GPC5: variants seen among roughly 807,000 people sequenced by gnomAD.
The protein encoded by GPC5 is glypican-5.
GPC5 carries 47 observed loss-of-function variants against 53.9 expected under a neutral mutation model. The observed-to-expected ratio is 0.87, with a 90% CI of 0.69 to 1.11. GPC5 has a LOEUF of 1.11. Ranked by LOEUF, GPC5 falls within the 50% of genes most tolerant of loss-of-function variation. The probability of loss-of-function intolerance (pLI) is 0.00; values close to 1 mark genes in which losing one functional copy is unlikely to be tolerated. For synonymous variants in GPC5, 286 were observed against 263.3 expected, an observed-to-expected ratio of 1.09 and a Z score of -0.84; for missense variants, 748 against 713.1, an observed-to-expected ratio of 1.05 and a Z score of -0.56.
chr13:92,852,961 C>T (rs1250990420), intron 7 of GPC5, among the ~76,000 whole-genome samples: 2 of 152,164 alleles, frequency 1.3e-5, no homozygotes, highest in East Asian at 1.9e-4. Flanking sequence ...TAACAAGCAC[C>T]TAAGTCAGAT....
rs566543599 is a variant in GPC5 at position 92,142,146 on chromosome 13, T to C, written c.1402-2684T>C. ...AACGAACATGGTACATGTATAGCTA[T>C]GTATCAAACCTGCACGTTGTGCACA... is the stretch of plus-strand genomic sequence containing the variant. On this transcript the variant is annotated intron_variant, in intron 6 of 7. Coordinates refer to ENST00000377067, the MANE Select transcript of GPC5 (RefSeq NM_004466.6). Among the ~76,000 whole-genome samples the C allele has an allele frequency of 2.0e-5, 3 of 152,304 alleles. No homozygotes were observed. In the South Asian group the frequency reaches 6.2e-4, roughly 32 times the overall value.
intron 2 of GPC5, among the ~76,000 whole-genome samples, chr13:91,473,982 CATT>C (rs1219876512): frequency 6.6e-6 from 1 of 152,038 alleles, no homozygotes; most frequent in African/African-American, 2.4e-5. Context: ...ATTCTAGAAA[CATT>C]GTTGCTTATA....
intron 6 of GPC5, among the ~76,000 whole-genome samples, chr13:92,098,971 T>G (rs79387454): frequency 6.6e-6 from 1 of 151,816 alleles, no homozygotes; most frequent in African/African-American, 2.4e-5. Context: ...TTTTTTTTTT[T>G]GTCATCTAAT....
At chr13:91,477,864 T>G (rs1016645621) in intron 2 of GPC5, among the ~76,000 whole-genome samples, 2 of 152,210 alleles carry the variant, frequency 1.3e-5, no homozygotes, top group East Asian at 1.9e-4. Flanking sequence ...ATAAGTCAGA[T>G]AGCAGTGAGC....
At chr13:92,678,063 AT>A (rs1214016888) in intron 7 of GPC5, among the ~76,000 whole-genome samples, 3 of 152,190 alleles carry the variant, frequency 2.0e-5, no homozygotes, top group Non-Finnish European at 4.4e-5. Context: ...TGTTTAGAGG[AT>A]AAGAGTTTTC....
At chr13:91,644,039 T>A (rs1407294949) in intron 2 of GPC5, among the ~76,000 whole-genome samples, 1 of 150,280 alleles carries the variant, frequency 6.7e-6, no homozygotes, top group Admixed American at 6.6e-5. Flanking sequence ...TTTTTGGGGA[T>A]ACACTTCAAC....
At chr13:91,674,226 G>A (rs2035315591) in intron 2 of GPC5, among the ~76,000 whole-genome samples, 1 of 152,094 alleles carries the variant, frequency 6.6e-6, no homozygotes, top group African/African-American at 2.4e-5. Flanking sequence ...ATTTCTGGGT[G>A]TGTCTTTGAA....
intron 6 of GPC5, among the ~76,000 whole-genome samples, chr13:92,043,948 G>A (rs1448828583): frequency 3.3e-5 from 5 of 152,120 alleles, no homozygotes; most frequent in Non-Finnish European, 7.4e-5. Context: ...ATAACTTCAT[G>A]TTCTCTTTTT....
At position 91,728,667 on chromosome 13, in the gene GPC5, T is replaced by G. The variant is rs1311487743; in HGVS notation, c.1154+2T>G. ...AGAGACGCTTGCCAACAGAAGAAAG[T>G]AAGACATTTGTTTTACAACCAGAAA... On this transcript the variant is annotated splice_donor_variant, in intron 4 of 7. Transcript: ENST00000377067. LOFTEE classifies it high-confidence loss of function. 6.2e-7 allele frequency: 1 copy of G among 1,606,578 alleles called. No homozygotes were observed. The highest frequency in any genetic ancestry group is 2.2e-5 in the East Asian group (1 of 44,690).
intron 7 of GPC5, among the ~76,000 whole-genome samples, chr13:92,348,124 T>C (rs72638659): frequency 0.28 from 41,190 of 146,104 alleles, 6,013 homozygotes; most frequent in South Asian, 0.39. Flanking sequence ...TAAGTCCTTG[T>C]CTATCAATAA....
intron 1 of GPC5, among the ~76,000 whole-genome samples, chr13:91,399,982 C>T (rs1876810567): frequency 6.6e-6 from 1 of 152,140 alleles, no homozygotes; most frequent in Non-Finnish European, 1.5e-5. Context: ...GCGCCTTTTG[C>T]CTGTGCTTTC....
intron 7 of GPC5, among the ~76,000 whole-genome samples, chr13:92,723,058 A>G (rs1203850557): frequency 6.6e-6 from 1 of 151,758 alleles, no homozygotes; most frequent in African/African-American, 2.4e-5. Context: ...CCCACTCATT[A>G]ACATTTGTTA....
At chr13:91,755,898 G>A (rs541115088) in intron 4 of GPC5, among the ~76,000 whole-genome samples, 20 of 152,038 alleles carry the variant, frequency 1.3e-4, no homozygotes, top group African/African-American at 4.8e-4. Flanking sequence ...TAGTACTCTC[G>A]TGGTGGCTTA....
intron 3 of GPC5, among the ~76,000 whole-genome samples, chr13:91,703,298 G>A (rs1422218706): frequency 6.6e-6 from 1 of 152,032 alleles, no homozygotes; most frequent in African/African-American, 2.4e-5. Flanking sequence ...TGAGTATAAT[G>A]TTAGCTGTGG....
intron 7 of GPC5, among the ~76,000 whole-genome samples, chr13:92,230,514 G>A (rs779293012): frequency 1.9e-4 from 29 of 152,008 alleles, no homozygotes; most frequent in Non-Finnish European, 3.4e-4. Flanking sequence ...TCTACTTCTT[G>A]ACAAATTTTA....
At chr13:91,804,062 A>T (rs2038180739) in intron 5 of GPC5, among the ~76,000 whole-genome samples, 1 of 149,326 alleles carries the variant, frequency 6.7e-6, no homozygotes, top group African/African-American at 2.5e-5. Flanking sequence ...AGAAAGAAAT[A>T]CAACAGAAAC....
chr13:91,884,758 G>T (rs2039304321), intron 5 of GPC5, among the ~76,000 whole-genome samples: 1 of 152,198 alleles, frequency 6.6e-6, no homozygotes, highest in Non-Finnish European at 1.5e-5. Flanking sequence ...CAAGTTAGAA[G>T]TGCTCATATT....
intron 7 of GPC5, among the ~76,000 whole-genome samples, chr13:92,326,752 T>C (rs573447890): frequency 3.3e-4 from 51 of 152,286 alleles, no homozygotes; most frequent in African/African-American, 1.2e-3. Flanking sequence ...CATATTTGTC[T>C]AAAGTAATTT....
At chr13:92,463,902 G>T (rs1335817911) in intron 7 of GPC5, among the ~76,000 whole-genome samples, 1 of 152,052 alleles carries the variant, frequency 6.6e-6, no homozygotes, top group Non-Finnish European at 1.5e-5. Flanking sequence ...GAGTTTCTCA[G>T]AAAAAGAGTG....
Sources: gnomAD v4.1 joint callset for allele counts (sites outside exome capture counted in the v4.1 genomes callset) on GRCh38, gnomAD v4.1.1 for gene constraint, MANE v1.5 for transcripts, NCBI Gene and HGNC (gene_info 2026-07-23, HGNC 2026-07-21) for gene names.